ST6GAL2: variants seen among roughly 807,000 people sequenced by gnomAD.
ST6GAL2 encodes ST6 beta-galactoside alpha-2,6-sialyltransferase 2, also known as beta-galactoside alpha-2,6-sialyltransferase 2.
Under a neutral mutation model 37.5 loss-of-function variants are expected in ST6GAL2, and 24 were observed. The observed-to-expected ratio is 0.64, with a 90% CI of 0.46 to 0.90. ST6GAL2 has a LOEUF of 0.90. Among genes scored for constraint, ST6GAL2 ranks in the 40% least tolerant of loss-of-function variants. The probability of loss-of-function intolerance (pLI) is 0.00; values close to 1 mark genes in which losing one functional copy is unlikely to be tolerated. For missense variants in ST6GAL2, 715 were observed against 712.7 expected (o/e 1.00, Z -0.04); for synonymous variants, 306 against 295.1 (o/e 1.04, Z -0.38).
At position 106,843,080 on chromosome 2, in the gene ST6GAL2, TGAC is replaced by T. The variant is rs1676963809; in HGVS notation, c.895_897del (p.Val299del). On this transcript the variant is annotated inframe_deletion, in exon 2 of 6. Coordinates refer to ENST00000409382, the MANE Select transcript of ST6GAL2 (RefSeq NM_001142351.2). ...GAGTTGAGGATTGCGCCTGCAGACA[TGAC>T]GACAGCGCAGCTGCGCAGGCCGCGG... 6.7e-7 allele frequency: 1 copy of T among 1,497,968 alleles called. No individual in the cohort carries two copies. The highest frequency in any genetic ancestry group is 2.5e-5 in the Admixed American group (1 of 40,702). The allele number at this position is 1,497,968 out of a possible 1,614,324, so 92.8% of individuals were successfully genotyped here. A position where few individuals can be genotyped will look rare whatever the true frequency, so the allele number is the denominator to read the frequency against.
chr2:106,882,099 C>G (rs983403247), intron 1 of ST6GAL2, among the ~76,000 whole-genome samples: 1 of 152,176 alleles, frequency 6.6e-6, no homozygotes, highest in Non-Finnish European at 1.5e-5. Context: ...CAGCTTAAAA[C>G]CTTTTCTGCT....
intron 1 of ST6GAL2, among the ~76,000 whole-genome samples, chr2:106,864,939 G>A (rs2044961015): frequency 6.6e-6 from 1 of 152,168 alleles, no homozygotes; most frequent in Non-Finnish European, 1.5e-5. Context: ...GGGAGGGGGA[G>A]TGGAGGAAGA....
chr2:106,830,796 G>T (rs1398856331), intron 4 of ST6GAL2, among the ~76,000 whole-genome samples: 1 of 152,082 alleles, frequency 6.6e-6, no homozygotes, highest in Non-Finnish European at 1.5e-5. Flanking sequence ...CCTGAGTTGG[G>T]GCTGGGAAGA....
chr2:106,877,670 C>CACCAAATATAA (rs1484820096), intron 1 of ST6GAL2, among the ~76,000 whole-genome samples: 1 of 152,228 alleles, frequency 6.6e-6, no homozygotes, highest in African/African-American at 2.4e-5. Context: ...TTGGCACCTA[C>CACCAAATATAA]ACAAGATAAA....
intron 5 of ST6GAL2, among the ~76,000 whole-genome samples, chr2:106,816,981 C>T (rs1202389060): frequency 6.6e-6 from 1 of 152,180 alleles, no homozygotes; most frequent in East Asian, 1.9e-4. Flanking sequence ...GAAAGCAACA[C>T]CGGGCAGAAC....
At position 106,843,296 on chromosome 2, in the gene ST6GAL2, A is replaced by T. The variant is rs776878232; in HGVS notation, c.682T>A (p.Tyr228Asn). 5 of 1,612,942 alleles carry T rather than the reference A, an allele frequency of 3.1e-6. No individual in the cohort carries two copies. In the Admixed American group the frequency reaches 6.7e-5, roughly 22 times the overall value. Residue 228 changes from tyrosine (Y) to asparagine (N), a missense_variant, in exon 2 of 6, where the codon TAC (tyrosine) becomes AAC (asparagine). Physicochemically the swap from Tyr to Asn is moderately radical, Grantham distance 143 (BLOSUM62 -2). Coordinates refer to ENST00000409382, the MANE Select transcript of ST6GAL2 (RefSeq NM_001142351.2). ...NPRLQKAMKD[Y>N]LTANKHGVRF... ...ACCCCGTGCTTGTTGGCGGTCAGGT[A>T]ATCCTTCATCGCCTTCTGCAGGCGC...
intron 2 of ST6GAL2, among the ~76,000 whole-genome samples, chr2:106,836,122 T>TC (rs1456796512): frequency 6.6e-6 from 1 of 152,168 alleles, no homozygotes; most frequent in Non-Finnish European, 1.5e-5. Context: ...CAGCTTTTTT[T>TC]CAATTTAAAA....
At chr2:106,877,346 G>T (rs1246778968) in intron 1 of ST6GAL2, among the ~76,000 whole-genome samples, 3 of 152,214 alleles carry the variant, frequency 2.0e-5, no homozygotes, top group African/African-American at 4.8e-5. Flanking sequence ...AATGTCACAT[G>T]AAAGTAAATC....
At chr2:106,884,906 C>CATATATATATAT (rs772381082) in intron 1 of ST6GAL2, among the ~76,000 whole-genome samples, 937 of 76,218 alleles carry the variant, frequency 0.012, 5 homozygotes, top group African/African-American at 0.019. Context: ...ATTTGCAGCG[C>CATATATATATAT]ATATATATAT....
intron 1 of ST6GAL2, among the ~76,000 whole-genome samples, chr2:106,875,196 G>A (rs1244689857): frequency 1.1e-4 from 15 of 133,386 alleles, no homozygotes; most frequent in Non-Finnish European, 2.4e-4. Context: ...TTTTTGAAAT[G>A]GGGTCCCACC....
chr2:106,868,467 C>T (rs1475507550), intron 1 of ST6GAL2, among the ~76,000 whole-genome samples: 1 of 152,084 alleles, frequency 6.6e-6, no homozygotes, highest in Non-Finnish European at 1.5e-5. Context: ...CAATGCTGAC[C>T]TCAGTTTTAC....
At chr2:106,823,486 C>CACACACACACACACACAG (rs755735360) in intron 5 of ST6GAL2, among the ~76,000 whole-genome samples, 8 of 117,890 alleles carry the variant, frequency 6.8e-5, no homozygotes, top group African/African-American at 1.9e-4. Context: ...CACACACACA[C>CACACACACACACACACAG]AGAGAGAGAG....
At chr2:106,849,102 T>C (rs1336922289) in intron 1 of ST6GAL2, among the ~76,000 whole-genome samples, 6 of 152,210 alleles carry the variant, frequency 3.9e-5, no homozygotes, top group African/African-American at 1.4e-4. Flanking sequence ...TCATCTGCAG[T>C]TGGTGCTTTC....
intron 5 of ST6GAL2, among the ~76,000 whole-genome samples, chr2:106,808,989 A>G (rs952997315): frequency 7.2e-5 from 11 of 152,330 alleles, no homozygotes; most frequent in African/African-American, 2.6e-4. Flanking sequence ...CCTGGGCAAC[A>G]GAGCAAGACT....
In ST6GAL2 at chr2:106,865,064, A is replaced by T. The variant is rs557458851; in HGVS notation, c.-58+21029T>A. ...ACTGGGATGCGATGTGCAAGAGCTC[A>T]TCATTGTATGAGTATTTCCACCACA... On this transcript the variant is annotated intron_variant, in intron 1 of 5. Coordinates refer to ENST00000409382, the MANE Select transcript of ST6GAL2 (RefSeq NM_001142351.2). Among the ~76,000 whole-genome samples the T allele has an allele frequency of 4.3e-4, 66 of 152,336 alleles. 1 individual carries two copies. Among genetic ancestry groups the T allele is most frequent in the Admixed American group, 3.9e-3 (59 of 15,308 alleles).
rs755939257 is a variant in ST6GAL2, at chr2:106,843,373, G to T, written c.605C>A (p.Ala202Asp). 260 of 1,614,002 alleles carry T rather than the reference G, an allele frequency of 1.6e-4. 2 individuals are homozygous for T. In the South Asian group the frequency reaches 2.7e-3, roughly 17 times the overall value. ...CCCCTTCCAGAGCCGGTACAGGAAG[G>T]CCCTGGACATGGAGGAGTACAGCCT... ...GDRLYSSMSRAFLYRLWKGNV... is the reference protein window; with the variant it reads ...GDRLYSSMSRDFLYRLWKGNV... Residue 202 changes from alanine (A) to aspartate (D), a missense_variant, in exon 2 of 6, where the codon GCC becomes GAC. Coordinates refer to ENST00000409382, the MANE Select transcript of ST6GAL2 (RefSeq NM_001142351.2).
chr2:106,846,765 G>A (rs74774495), intron 1 of ST6GAL2, among the ~76,000 whole-genome samples: 18 of 152,294 alleles, frequency 1.2e-4, no homozygotes, highest in East Asian at 5.8e-4. Context: ...CCGGAACCAC[G>A]GATGCCAAGA....
chr2:106,834,365 T>C, intron 2 of ST6GAL2: 1 of 489,038 alleles, frequency 2.0e-6, no homozygotes, highest in Non-Finnish European at 3.6e-6. Flanking sequence ...GTAAAATCTG[T>C]TCAATTATGG....
chr2:106,838,720 G>A (rs956868842), intron 2 of ST6GAL2, among the ~76,000 whole-genome samples: 27 of 152,250 alleles, frequency 1.8e-4, no homozygotes, highest in African/African-American at 6.5e-4. Context: ...AGGGTTGTAA[G>A]GTTTACAACA....
Sources: allele counts gnomAD v4.1 joint callset (sites outside exome capture counted in the v4.1 genomes callset), GRCh38; gene constraint gnomAD v4.1.1; transcripts MANE v1.5; gene names NCBI Gene and HGNC (gene_info 2026-07-23, HGNC 2026-07-21).